The following NDUFA10 variants were observed in gnomAD, a reference collection of about 807,000 sequenced individuals.
The protein encoded by NDUFA10 is NADH:ubiquinone oxidoreductase subunit A10, also known as NADH dehydrogenase [ubiquinone] 1 alpha subcomplex subunit 10, mitochondrial.
A neutral mutation model predicts 47.8 loss-of-function variants in NDUFA10; 40 were observed. That is an observed-to-expected ratio of 0.84 (90% CI 0.65 to 1.09). NDUFA10 has a LOEUF of 1.09. Ranked by LOEUF, NDUFA10 falls within the 50% of genes least tolerant of loss-of-function variation. The pLI is 0.00. For missense variants in NDUFA10, 413 were observed against 451.1 expected (o/e 0.92, Z 0.76); for synonymous variants, 183 against 172.2 (o/e 1.06, Z -0.49).
At chr2:239,924,404 A>T (rs1057109650) in intron 4 of NDUFA10, among the ~76,000 whole-genome samples, 3 of 152,118 alleles carry the variant, frequency 2.0e-5, no homozygotes, top group Non-Finnish European at 4.4e-5. Context: ...AAAATAATAT[A>T]ATACACCATC....
Position 239,982,317 on chromosome 2 carries a change from A to G in NDUFA10, c.999+7757T>C, listed in dbSNP as rs74634585. On this transcript the variant is annotated intron_variant, in intron 9 of 9. Coordinates refer to ENST00000252711, the MANE Select transcript of NDUFA10 (RefSeq NM_004544.4). ...TTGTCTTTTGCAATTTTCATAAAGC[A>G]AAACCTGAACTCTTTTCTAAAAAGA... 4,314 of 1,510,240 alleles carry G rather than the reference A, an allele frequency of 2.9e-3. 98 individuals carry two copies. The African/African-American group carries it at 0.053, about 18-fold the overall frequency. The allele number at this position is 1,510,240 out of a possible 1,614,324, so 93.6% of individuals were successfully genotyped here.
At chr2:239,937,541 C>G (rs1472516911) in intron 4 of NDUFA10, among the ~76,000 whole-genome samples, 1 of 152,180 alleles carries the variant, frequency 6.6e-6, no homozygotes, top group South Asian at 2.1e-4. Flanking sequence ...ATTTTATGGC[C>G]TAATGAGTCT....
At position 239,987,334 on chromosome 2, in the gene NDUFA10, G is replaced by A. The variant is rs1283872101; in HGVS notation, c.999+2740C>T. ...AACCAGGCGCTGTGCATCGACAGGA[G>A]GACTCGCTCGAATGCGTGTCTGGGC... On this transcript the variant is annotated intron_variant, in intron 9 of 9. Coordinates refer to ENST00000252711, the MANE Select transcript of NDUFA10 (RefSeq NM_004544.4). The surrounding 1 kb of genome is among the most constrained non-coding windows in gnomAD (Gnocchi z 4.8). Among the ~76,000 whole-genome samples the A allele has an allele frequency of 1.3e-5, 2 of 151,834 alleles. No individual in the cohort carries two copies. The highest frequency in any genetic ancestry group is 1.3e-4 in the Admixed American group (2 of 15,224).
At chr2:239,995,844 G>A (rs989496084) in intron 8 of NDUFA10, among the ~76,000 whole-genome samples, 3 of 152,208 alleles carry the variant, frequency 2.0e-5, no homozygotes, top group Non-Finnish European at 4.4e-5. Context: ...AAAAAGAGGG[G>A]CATTACATAA....
At chr2:239,979,985 A>G (rs1251330544) in intron 9 of NDUFA10, among the ~76,000 whole-genome samples, 5 of 150,908 alleles carry the variant, frequency 3.3e-5, no homozygotes, top group African/African-American at 1.2e-4. Flanking sequence ...CTACACCCCC[A>G]CATCCCTCAC....
At chr2:239,994,076 C>T (rs1046837763) in intron 8 of NDUFA10, among the ~76,000 whole-genome samples, 1 of 152,160 alleles carries the variant, frequency 6.6e-6, no homozygotes, top group Non-Finnish European at 1.5e-5. Context: ...CACAGAAGTG[C>T]TGTGGAACAG....
rs557827310 is a variant in NDUFA10 at position 239,977,324 on chromosome 2, G to A, written c.999+12750C>T. On this transcript the variant is annotated intron_variant, in intron 9 of 9. Transcript: ENST00000252711. ...CCATGAGCTGCCACTGCTCCTGCCA[G>A]CGTCCCGCCACTGTCCCTGAGTATG... Among the ~76,000 whole-genome samples, 4 of 152,314 alleles carry A rather than the reference G, an allele frequency of 2.6e-5. No individual in the cohort carries two copies. The South Asian group carries it at 6.2e-4, about 24-fold the overall frequency.
chr2:239,966,134 G>T (rs1052765637), intron 9 of NDUFA10, among the ~76,000 whole-genome samples: 1 of 152,216 alleles, frequency 6.6e-6, no homozygotes, highest in Admixed American at 6.5e-5. Context: ...TGGCCCACCG[G>T]GAGTGTTCCA....
chr2:239,929,215 G>T (rs1316908530), intron 4 of NDUFA10, among the ~76,000 whole-genome samples: 1 of 152,190 alleles, frequency 6.6e-6, no homozygotes, highest in Non-Finnish European at 1.5e-5. Flanking sequence ...GGCACCAACC[G>T]GTGGCCTGGC....
At chr2:239,903,938 G>C (rs1012267560) in intron 4 of NDUFA10, among the ~76,000 whole-genome samples, 17 of 152,336 alleles carry the variant, frequency 1.1e-4, no homozygotes, top group African/African-American at 4.1e-4. Context: ...TGGCCTCAGG[G>C]CTGCAGAGAA....
intron 4 of NDUFA10, among the ~76,000 whole-genome samples, chr2:239,916,251 T>TAC (rs368415118): frequency 0.19 from 26,929 of 140,572 alleles, 2,868 homozygotes; most frequent in African/African-American, 0.32. Flanking sequence ...CACACAGAGA[T>TAC]ACACACACAC....
At chr2:239,951,832 A>C (rs978078006) in intron 4 of NDUFA10, among the ~76,000 whole-genome samples, 1 of 152,262 alleles carries the variant, frequency 6.6e-6, no homozygotes, top group Non-Finnish European at 1.5e-5. Flanking sequence ...CCAACGGCAC[A>C]CCGAGGCCTC....
Position 239,959,727 on chromosome 2 carries a change from G to T in NDUFA10, c.*1391C>A. ...GGCAGGGAGGAAAACAAGGACAGAC[G>T]GAAGGAAGGAAGAGAAGGAGGGAAG... On this transcript the variant is annotated 3_prime_UTR_variant, in exon 10 of 10. Transcript: ENST00000252711. 1 of 742,772 alleles carries T rather than the reference G, an allele frequency of 1.3e-6. No homozygotes were observed. The highest frequency in any genetic ancestry group is 1.6e-6 in the Non-Finnish European group (1 of 612,392). 46.0% of individuals were successfully genotyped at this position (742,772 alleles called of 1,614,324 possible).
Position 239,960,314 on chromosome 2 carries a change from A to G in NDUFA10, c.*804T>C, listed in dbSNP as rs1422021026. The G allele has an allele frequency of 1.1e-5, 11 of 985,736 alleles. No homozygotes were observed. Among genetic ancestry groups the G allele is most frequent in the Middle Eastern group, 5.2e-4 (1 of 1,914 alleles). The allele number at this position is 985,736 out of a possible 1,614,324, so 61.1% of individuals were successfully genotyped here. A position where few individuals can be genotyped will look rare whatever the true frequency, so the allele number is the denominator to read the frequency against. ...TCTAGGCTTCAACAGAGATGAATAA[A>G]GAAATCTGATTTTCTTTCTCATTTC... On this transcript the variant is annotated 3_prime_UTR_variant, in exon 10 of 10. Coordinates refer to ENST00000252711, the MANE Select transcript of NDUFA10 (RefSeq NM_004544.4).
At chr2:239,911,671 G>GTGTGTGTT (rs1225958092) in intron 4 of NDUFA10, among the ~76,000 whole-genome samples, 1 of 24,652 alleles carries the variant, frequency 4.1e-5, no homozygotes, top group African/African-American at 1.1e-4. Context: ...ACATGAGAGA[G>GTGTGTGTT]TGTGTGTGCG....
intron 9 of NDUFA10, chr2:239,973,576 TCAGCTTCAAGG>T (rs764684215): frequency 7.9e-5 from 37 of 471,128 alleles, no homozygotes; most frequent in East Asian, 4.9e-4. Flanking sequence ...GAGGGAACGA[TCAGCTTCAAGG>T]AGGGAACGAT....
At chr2:239,971,751 G>C (rs1022886109) in intron 9 of NDUFA10, among the ~76,000 whole-genome samples, 4 of 152,156 alleles carry the variant, frequency 2.6e-5, no homozygotes, top group African/African-American at 9.7e-5. Flanking sequence ...TCCCACTACA[G>C]CATGTAAATA....
intron 4 of NDUFA10, among the ~76,000 whole-genome samples, chr2:239,910,215 A>C (rs1348356923): frequency 6.6e-6 from 1 of 152,232 alleles, no homozygotes; most frequent in Non-Finnish European, 1.5e-5. Context: ...CTGTTACTGC[A>C]TATATACTCA....
In NDUFA10 at chr2:240,019,751, G is replaced by A. The variant is rs1371448291; in HGVS notation, c.461-1112C>T. On this transcript the variant is annotated intron_variant, in intron 3 of 9. Transcript: ENST00000252711. The stretch of plus-strand genomic sequence containing the variant: ...GGAGAATGGCATGAACCCGGGAGGC[G>A]GAGCTTGCAGTGAGCCGAGATCCCG... 4.7e-5 allele frequency among the ~76,000 whole-genome samples: 4 copies of A among 85,946 alleles called. 1 individual carries two copies. The highest frequency in any genetic ancestry group is 1.8e-4 in the African/African-American group (4 of 21,898). The allele number at this position is 85,946 out of a possible 152,430, so 56.4% of individuals were successfully genotyped here.
Sources: allele counts gnomAD v4.1 joint callset (sites outside exome capture counted in the v4.1 genomes callset), GRCh38; gene constraint gnomAD v4.1.1; non-coding constraint Gnocchi (gnomAD v3.1); transcripts MANE v1.5; gene names NCBI Gene and HGNC (gene_info 2026-07-23, HGNC 2026-07-21).